The following HDX variants were observed in gnomAD, a reference collection of about 807,000 sequenced individuals.
The protein encoded by HDX is highly divergent homeobox.
A neutral mutation model predicts 45.2 loss-of-function variants in HDX; 19 were observed. That is an observed-to-expected ratio of 0.42 (90% CI 0.29 to 0.62). The LOEUF (loss-of-function observed/expected upper bound fraction) is 0.62, where lower values mean the gene tolerates loss of function less well. HDX is among the 20% of genes least tolerant of loss of function. The pLI is 0.20. For missense variants in HDX, 532 were observed against 493.9 expected, an observed-to-expected ratio of 1.08 and a Z score of -0.73; for synonymous variants, 188 against 172.8, an observed-to-expected ratio of 1.09 and a Z score of -0.69.
chrX:84,446,266 A>G (rs2039870365), intron 4 of HDX, among the ~76,000 whole-genome samples: 1 of 112,144 alleles, frequency 8.9e-6, no homozygotes, highest in African/African-American at 3.2e-5. Context: ...AAAAATAGAA[A>G]TTTGGGAAAT....
chrX:84,421,746 C>A (rs1039054356), intron 5 of HDX, among the ~76,000 whole-genome samples: 22 of 108,723 alleles, frequency 2.0e-4, no homozygotes, highest in African/African-American at 7.0e-4. Context: ...CAATGGAAAT[C>A]AAAAAAGAGC....
At chrX:84,437,484 C>T (rs1366956003) in intron 5 of HDX, among the ~76,000 whole-genome samples, 1 of 111,145 alleles carries the variant, frequency 9.0e-6, no homozygotes, top group East Asian at 2.9e-4. Context: ...CATGCAAGTC[C>T]TGGCCTACTT....
intron 4 of HDX, among the ~76,000 whole-genome samples, chrX:84,463,386 C>T (rs781531556): frequency 2.7e-5 from 3 of 111,053 alleles, no homozygotes; most frequent in Non-Finnish European, 3.8e-5. Context: ...ATTAAACTTT[C>T]GTTTCTTTTT....
At chrX:84,435,695 G>A (rs1253962291) in intron 5 of HDX, among the ~76,000 whole-genome samples, 18 of 107,791 alleles carry the variant, frequency 1.7e-4, no homozygotes, top group Non-Finnish European at 2.7e-4. Context: ...ATGGTTTTAG[G>A]TCTAACGTTT....
intron 2 of HDX, among the ~76,000 whole-genome samples, chrX:84,477,772 G>T (rs867641204): frequency 1.4e-4 from 16 of 111,993 alleles, no homozygotes; most frequent in African/African-American, 4.9e-4. Flanking sequence ...AACTTTTAAA[G>T]TTGGGTTTTT....
intron 9 of HDX, 90 bp downstream of exon 9, chrX:84,333,669 A>T: frequency 2.4e-6 from 1 of 425,467 alleles, no homozygotes; most frequent in South Asian, 3.2e-5. Flanking sequence ...TAGAATGCTT[A>T]ACTTATTAAA....
intron 5 of HDX, among the ~76,000 whole-genome samples, chrX:84,433,181 C>T (rs1027658061): frequency 8.1e-5 from 9 of 110,887 alleles, no homozygotes; most frequent in African/African-American, 2.9e-4. Flanking sequence ...TGATACAATC[C>T]GATTTATTTT....
chrX:84,418,764 TG>T lies in HDX; in HGVS notation c.1305+21767del, dbSNP rs1303762322. On this transcript the variant is annotated intron_variant, in intron 5 of 10. Coordinates refer to ENST00000373177, the MANE Select transcript of HDX (RefSeq NM_001177479.2). ...ACACAATGGACCCTTGGTGGGGGTG[TG>T]GGGGGGAAGGCACATGACATACTGA... Among the ~76,000 whole-genome samples, 4 of 109,923 alleles carry T rather than the reference TG, an allele frequency of 3.6e-5. No homozygotes were observed. In the East Asian group the frequency reaches 8.7e-4, roughly 24 times the overall value.
intron 2 of HDX, among the ~76,000 whole-genome samples, chrX:84,484,807 CT>C (rs2148181228): frequency 9.0e-6 from 1 of 111,543 alleles, no homozygotes; most frequent in East Asian, 2.8e-4. Context: ...ATTTACTAGT[CT>C]CTTCATTTGG....
intron 2 of HDX, among the ~76,000 whole-genome samples, chrX:84,479,665 G>A (rs1039568015): frequency 5.4e-5 from 6 of 111,555 alleles, no homozygotes; most frequent in East Asian, 2.8e-4. Context: ...TCGCATTCTC[G>A]AATGCACTGA....
chrX:84,362,478 A>T (rs948159540), intron 5 of HDX, among the ~76,000 whole-genome samples: 9 of 110,129 alleles, frequency 8.2e-5, no homozygotes, highest in Non-Finnish European at 1.7e-4. Flanking sequence ...TTATTTTCAG[A>T]GGTGGTGGAA....
At chrX:84,408,520 T>TTTTTTTTTC (rs2038893853) in intron 5 of HDX, among the ~76,000 whole-genome samples, 1 of 104,796 alleles carries the variant, frequency 9.5e-6, no homozygotes, top group Non-Finnish European at 2.0e-5. Flanking sequence ...TTTTTTTTTT[T>TTTTTTTTTC]TTGCTTACAA....
At chrX:84,367,798 C>T (rs2037795731) in intron 5 of HDX, among the ~76,000 whole-genome samples, 1 of 111,425 alleles carries the variant, frequency 9.0e-6, no homozygotes, top group African/African-American at 3.3e-5. Context: ...GGGAGTTGAA[C>T]AATGAGAACA....
intron 1 of HDX, among the ~76,000 whole-genome samples, chrX:84,491,843 A>T (rs1027487294): frequency 9.0e-6 from 1 of 111,447 alleles, no homozygotes; most frequent in Non-Finnish European, 1.9e-5. Context: ...GGCTAGTGGG[A>T]ACATAACTAT....
intron 10 of HDX, among the ~76,000 whole-genome samples, chrX:84,323,505 AG>A (rs1315460925): frequency 8.9e-6 from 1 of 111,804 alleles, no homozygotes; most frequent in Non-Finnish European, 1.9e-5. Flanking sequence ...GAAAGTCAAG[AG>A]AATAAGATTT....
At chrX:84,481,171 C>T (rs891942112) in intron 2 of HDX, among the ~76,000 whole-genome samples, 1 of 110,910 alleles carries the variant, frequency 9.0e-6, no homozygotes, top group African/African-American at 3.3e-5. Flanking sequence ...GTCTGTAGGG[C>T]CTGTGGTGAT....
chrX:84,322,328 G>A (rs1256834102), intron 10 of HDX, among the ~76,000 whole-genome samples: 1 of 110,968 alleles, frequency 9.0e-6, no homozygotes, highest in Non-Finnish European at 1.9e-5. Flanking sequence ...TTTCATACTA[G>A]TTTTGAGTGT....
At chrX:84,388,373 C>A (rs773424191) in intron 5 of HDX, among the ~76,000 whole-genome samples, 24 of 111,724 alleles carry the variant, frequency 2.1e-4, no homozygotes, top group Non-Finnish European at 3.4e-4. Context: ...GGGAAATTTT[C>A]ATGGATGATG....
At chrX:84,400,362 G>T (rs1378395819) in intron 5 of HDX, among the ~76,000 whole-genome samples, 1 of 108,758 alleles carries the variant, frequency 9.2e-6, no homozygotes, top group Non-Finnish European at 1.9e-5. Flanking sequence ...GAAATCTCAG[G>T]ATACAAAATC....
Sources: allele counts gnomAD v4.1 joint callset (sites outside exome capture counted in the v4.1 genomes callset), GRCh38; gene constraint gnomAD v4.1.1; transcripts MANE v1.5; gene names NCBI Gene and HGNC (gene_info 2026-07-23, HGNC 2026-07-21).